Variants in SCAF8 observed in about 807,000 individuals in gnomAD.
The protein encoded by SCAF8 is SR-related CTD associated factor 8.
A neutral mutation model predicts 140.5 loss-of-function variants in SCAF8; 23 were observed. The observed-to-expected ratio is 0.16, with a 90% CI of 0.12 to 0.23. The LOEUF (loss-of-function observed/expected upper bound fraction) is 0.23. Ranked by LOEUF, SCAF8 falls within the 10% of genes least tolerant of loss-of-function variation. SCAF8 has a pLI of 1.00. For missense variants in SCAF8, 1,397 were observed against 1,555.7 expected (o/e 0.90, Z 1.72); for synonymous variants, 575 against 528.9 (o/e 1.09, Z -1.20).
chr6:154,816,121 C>A (rs993053315), intron 13 of SCAF8, among the ~76,000 whole-genome samples: 9 of 152,126 alleles, frequency 5.9e-5, no homozygotes, highest in Non-Finnish European at 1.2e-4. Context: ...TGGTTTAATT[C>A]CTTTTTTTAA....
Position 154,833,361 on chromosome 6 carries a change from C to G in SCAF8, c.3782C>G (p.Pro1261Arg). The G allele has an allele frequency of 3.1e-6, 5 of 1,613,616 alleles. No homozygotes were observed. Among genetic ancestry groups the G allele is most frequent in the Non-Finnish European group, 4.2e-6 (5 of 1,179,842 alleles). Residue 1261 changes from proline to arginine, a missense_variant, in exon 20 of 20, where the codon CCA becomes CGA. Around this residue, in one of 5 missense-constraint regions of SCAF8, gnomAD observed 930 missense variants for 874.6 expected, o/e 1.06. Coordinates refer to ENST00000367178, the MANE Select transcript of SCAF8 (RefSeq NM_014892.5). ...SDTVADIESEPVVESTETEGT is the reference protein window; with the variant it reads ...SDTVADIESERVVESTETEGT ...ACAGTTGCTGATATAGAAAGTGAACCAGTGGTAGAAAGCACAGAAACTGAG... is the reference window on the plus strand; with the variant it reads ...ACAGTTGCTGATATAGAAAGTGAACGAGTGGTAGAAAGCACAGAAACTGAG...
At chr6:154,780,535 C>A (rs1204014168) in intron 3 of SCAF8, among the ~76,000 whole-genome samples, 1 of 151,850 alleles carries the variant, frequency 6.6e-6, no homozygotes, top group East Asian at 1.9e-4. Context: ...TCCCCCACCC[C>A]CGACTGGCCC....
At position 154,794,784 on chromosome 6, in the gene SCAF8, T is replaced by G. The variant is rs1183957532; in HGVS notation, c.476-225T>G. On this transcript the variant is annotated intron_variant, in intron 5 of 19. Transcript: ENST00000367178. ...TGGGGGGGGGGGGGTGTGGGGGGTG[T>G]GTGTGTGTGTGTGTGTGTGTGTGTG... Among the ~76,000 whole-genome samples, 64 of 11,992 alleles carry G rather than the reference T, an allele frequency of 5.3e-3. 1 individual carries two copies. The highest frequency in any genetic ancestry group is 0.01 in the African/African-American group (10 of 996). 7.9% of individuals were successfully genotyped at this position (11,992 alleles called of 152,430 possible).
At chr6:154,804,260 A>C (rs1777850440) in intron 8 of SCAF8, among the ~76,000 whole-genome samples, 1 of 152,144 alleles carries the variant, frequency 6.6e-6, no homozygotes, top group Admixed American at 6.6e-5. Flanking sequence ...AGTTGTATAT[A>C]TTGGGGTAAT....
At chr6:154,808,640 T>C (rs1186190093) in intron 10 of SCAF8, 46 bp from the exon 11 acceptor site, 12 of 1,196,676 alleles carry the variant, frequency 1.0e-5, no homozygotes, top group Admixed American at 1.8e-5. Context: ...TATAACTCTG[T>C]CTCAACCAGC....
At chr6:154,770,645 A>G (rs1386189189) in intron 1 of SCAF8, among the ~76,000 whole-genome samples, 2 of 152,164 alleles carry the variant, frequency 1.3e-5, no homozygotes, top group African/African-American at 4.8e-5. Context: ...ATTGTCATGA[A>G]CAGATGGGTG....
intron 19 of SCAF8, 137 bp downstream of exon 19, chr6:154,831,277 T>C: frequency 1.7e-6 from 1 of 582,512 alleles, no homozygotes; most frequent in East Asian, 2.8e-5. Context: ...AAGAGATCAC[T>C]ATGTCCTAAA....
chr6:154,786,388 G>A (rs763550655), intron 3 of SCAF8, among the ~76,000 whole-genome samples: 1 of 152,228 alleles, frequency 6.6e-6, no homozygotes, highest in Non-Finnish European at 1.5e-5. Flanking sequence ...AGATAGTGAT[G>A]TTATACTCAG....
intron 18 of SCAF8, among the ~76,000 whole-genome samples, chr6:154,828,933 A>T (rs1778648487): frequency 6.6e-6 from 1 of 152,246 alleles, no homozygotes; most frequent in South Asian, 2.1e-4. Context: ...TACACATAGT[A>T]GTTTGAAAGT....
At chr6:154,794,840 C>T in intron 5 of SCAF8, among the ~76,000 whole-genome samples, 169 bp from the exon 6 acceptor site, 1 of 129,710 alleles carries the variant, frequency 7.7e-6, no homozygotes, top group Non-Finnish European at 1.6e-5. Context: ...TTTAATGTAC[C>T]TAATTCTGTA....
At chr6:154,762,128 G>C (rs1219199038) in intron 1 of SCAF8, among the ~76,000 whole-genome samples, 1 of 152,168 alleles carries the variant, frequency 6.6e-6, no homozygotes, top group Non-Finnish European at 1.5e-5. Context: ...TTCTTCTACT[G>C]TATTAGTTTT....
chr6:154,821,028 A>G (rs1274098439), intron 15 of SCAF8, among the ~76,000 whole-genome samples: 3 of 151,752 alleles, frequency 2.0e-5, no homozygotes, highest in Non-Finnish European at 2.9e-5. Flanking sequence ...ATTTTGAACC[A>G]TTTTTTTTCT....
intron 1 of SCAF8, 81 bp downstream of exon 1, chr6:154,734,011 G>C: frequency 7.0e-7 from 1 of 1,427,538 alleles, no homozygotes; most frequent in Non-Finnish European, 9.2e-7. Context: ...GAGGGTGGGC[G>C]CGGGCCTGCG....
In SCAF8 at chr6:154,762,010, ATT is replaced by A. The variant is rs1331380512; in HGVS notation, c.31-11978_31-11977del. On this transcript the variant is annotated intron_variant, in intron 1 of 19. Transcript: ENST00000367178. Reference sequence around the variant, plus strand: ...CTTGTAAACTTAGGAAAAAGCAGATATTGTTTTTAAATTTAATTTCTACTTTG... The same window carrying A: ...CTTGTAAACTTAGGAAAAAGCAGATAGTTTTTAAATTTAATTTCTACTTTG... Among the ~76,000 whole-genome samples the A allele has an allele frequency of 6.6e-5, 10 of 152,336 alleles. No homozygotes were observed. In the East Asian group the frequency reaches 1.7e-3, roughly 26 times the overall value.
At chr6:154,784,694 C>T (rs946185120) in intron 3 of SCAF8, among the ~76,000 whole-genome samples, 5 of 152,058 alleles carry the variant, frequency 3.3e-5, no homozygotes, top group South Asian at 2.1e-4. Flanking sequence ...GGATGATGTC[C>T]GTAGGTTATA....
chr6:154,779,896 A>G (rs1198039263), intron 3 of SCAF8, among the ~76,000 whole-genome samples: 1 of 151,956 alleles, frequency 6.6e-6, no homozygotes, highest in Non-Finnish European at 1.5e-5. Flanking sequence ...CCCCTCACTC[A>G]GTTTCCCCCT....
chr6:154,771,218 A>C (rs1330528313), intron 1 of SCAF8, among the ~76,000 whole-genome samples: 2 of 152,256 alleles, frequency 1.3e-5, no homozygotes, highest in Middle Eastern at 3.2e-3. Context: ...ATTATAAATG[A>C]TAGCACAAAG....
Position 154,808,202 on chromosome 6 carries a change from G to A in SCAF8, c.1113+1G>A. ...TGATTCCATAGATATTCAGCAACAG[G>A]TAAAAGTAAATGTTTTTCTGGGTCA... is the stretch of plus-strand genomic sequence containing the variant. On this transcript the variant is annotated splice_donor_variant, in intron 10 of 19. Coordinates refer to ENST00000367178, the MANE Select transcript of SCAF8 (RefSeq NM_014892.5). LOFTEE classifies it high-confidence loss of function. 1 of 1,611,232 alleles carries A rather than the reference G, an allele frequency of 6.2e-7. No homozygotes were observed.
At chr6:154,750,419 A>C (rs1778810253) in intron 1 of SCAF8, among the ~76,000 whole-genome samples, 1 of 151,802 alleles carries the variant, frequency 6.6e-6, no homozygotes, top group Admixed American at 6.6e-5. Flanking sequence ...CTAGAGGAAG[A>C]TCTTGTAGAA....
Sources: allele counts gnomAD v4.1 joint callset (sites outside exome capture counted in the v4.1 genomes callset), GRCh38; gene constraint gnomAD v4.1.1; regional missense constraint gnomAD v4.1.1; transcripts MANE v1.5; gene names NCBI Gene and HGNC (gene_info 2026-07-23, HGNC 2026-07-21).